Variants in UGT1A9 observed in about 807,000 individuals in gnomAD.
UGT1A9 encodes UDP glucuronosyltransferase family 1 member A9.
UGT1A9 carries 35 observed loss-of-function variants against 45.0 expected under a neutral mutation model. The ratio of observed to expected loss-of-function variants is 0.78; its 90% CI spans 0.59 to 1.03. The LOEUF is 1.03. UGT1A9 is among the 50% of genes least tolerant of loss of function. The pLI, the probability that UGT1A9 is intolerant of heterozygous loss-of-function variation, is 0.00. For missense variants in UGT1A9, 687 were observed against 666.6 expected (o/e 1.03, Z -0.34); for synonymous variants, 278 against 250.6 (o/e 1.11, Z -1.03).
chr2:233,711,237 C>G (rs1027973680), intron 1 of UGT1A9, among the ~76,000 whole-genome samples: 6 of 152,218 alleles, frequency 3.9e-5, no homozygotes, highest in Admixed American at 3.9e-4. Context: ...GAAGGCACCA[C>G]CATCTTCCAA....
intron 1 of UGT1A9, chr2:233,717,994 C>T (rs1405290169): frequency 4.7e-6 from 2 of 423,448 alleles, no homozygotes; most frequent in Non-Finnish European, 4.8e-6. Context: ...TCAGACTGTG[C>T]AAGATCTGAG....
chr2:233,765,082 C>T (rs2741017), intron 1 of UGT1A9, among the ~76,000 whole-genome samples: 1 of 152,198 alleles, frequency 6.6e-6, no homozygotes, highest in South Asian at 2.1e-4. Context: ...TGTCTCACAT[C>T]TAGGGTGACC....
Position 233,769,302 on chromosome 2 carries a change from T to C in UGT1A9, c.1295+863T>C, listed in dbSNP as rs139674601. 9.5e-4 allele frequency among the ~76,000 whole-genome samples: 145 copies of C among 152,348 alleles called. No homozygotes were observed. The highest frequency in any genetic ancestry group is 3.0e-3 in the African/African-American group (125 of 41,572). Reference sequence around the variant, plus strand: ...TGATTTCTGGATTAAAGTTAGTATATTACTGTCAAGCTCACTGGTAATAGG... The same window carrying C: ...TGATTTCTGGATTAAAGTTAGTATACTACTGTCAAGCTCACTGGTAATAGG... On this transcript the variant is annotated intron_variant, in intron 4 of 4. Transcript: ENST00000354728. This position sits in a 1 kb window ranked among gnomAD's most constrained non-coding sequence, Gnocchi z 4.4.
chr2:233,763,802 T>C (rs1286063842), intron 1 of UGT1A9, among the ~76,000 whole-genome samples: 2 of 152,186 alleles, frequency 1.3e-5, no homozygotes, highest in Non-Finnish European at 2.9e-5. Context: ...GGAATGAAAC[T>C]CAAGAATTCC....
intron 1 of UGT1A9, among the ~76,000 whole-genome samples, chr2:233,758,825 C>CA: frequency 6.6e-6 from 1 of 152,232 alleles, no homozygotes. Flanking sequence ...ATATCCCCCC[C>CA]AAAAAGAGTG....
Position 233,672,495 on chromosome 2 carries a change from T to G in UGT1A9, c.561T>G (p.Leu187=), listed in dbSNP as rs776267881. 12 of 1,613,830 alleles carry G rather than the reference T, an allele frequency of 7.4e-6. No homozygotes were observed. The highest frequency in any genetic ancestry group is 9.3e-6 in the Non-Finnish European group (11 of 1,179,850). The part of the protein sequence containing the change: ...LEEGAQCPAP[L]SYVPRILLGF... The stretch of plus-strand genomic sequence containing the variant: ...AAGGTGCACAGTGCCCTGCTCCTCT[T>G]TCCTATGTCCCCAGAATTCTCTTAG... Residue 187 remains leucine (L), a synonymous_variant, in exon 1 of 5, where the codon CTT becomes CTG. Transcript: ENST00000354728.
At chr2:233,689,905 G>T (rs1008501237) in intron 1 of UGT1A9, 14 of 456,562 alleles carry the variant, frequency 3.1e-5, no homozygotes, top group Admixed American at 2.6e-4. Flanking sequence ...TCAGGGCCAG[G>T]TAGGTGCCTG....
intron 1 of UGT1A9, among the ~76,000 whole-genome samples, chr2:233,707,192 G>A (rs539845894): frequency 4.3e-4 from 66 of 152,052 alleles, no homozygotes; most frequent in Admixed American, 7.2e-4. Flanking sequence ...CCTGCCCTCC[G>A]TTCTATTCCC....
chr2:233,675,526 C>A (rs932255711), intron 1 of UGT1A9, among the ~76,000 whole-genome samples: 4 of 152,094 alleles, frequency 2.6e-5, no homozygotes, highest in African/African-American at 9.7e-5. Flanking sequence ...ATCTGTGCTT[C>A]CCCCCTTGCT....
intron 2 of UGT1A9, 46 bp downstream of exon 2, chr2:233,767,211 C>T (rs780479302): frequency 1.9e-5 from 30 of 1,612,468 alleles, no homozygotes; most frequent in South Asian, 1.5e-4. Flanking sequence ...TTCACAGGAG[C>T]GCTAATCCCA....
chr2:233,702,086 A>G (rs1193659168), intron 1 of UGT1A9, among the ~76,000 whole-genome samples: 1 of 152,166 alleles, frequency 6.6e-6, no homozygotes, highest in African/African-American at 2.4e-5. Flanking sequence ...ATAGTCACAG[A>G]TTTGTACAAC....
intron 1 of UGT1A9, among the ~76,000 whole-genome samples, chr2:233,742,577 G>T (rs28900373): frequency 0.034 from 5,125 of 151,816 alleles, 154 homozygotes; most frequent in African/African-American, 0.051. Flanking sequence ...CGGAATTGGG[G>T]GCTTATCCCC....
intron 1 of UGT1A9, among the ~76,000 whole-genome samples, chr2:233,684,769 G>C (rs906347974): frequency 2.0e-5 from 3 of 152,104 alleles, no homozygotes; most frequent in Admixed American, 6.5e-5. Context: ...AGATCATAAA[G>C]AGTGCCCTTT....
intron 1 of UGT1A9, among the ~76,000 whole-genome samples, chr2:233,711,182 A>G (rs1225168983): frequency 1.3e-5 from 2 of 151,724 alleles, no homozygotes; most frequent in East Asian, 3.9e-4. Context: ...AATATGAGCT[A>G]CTCCCTCCCC....
chr2:233,699,401 A>C (rs1224961959), intron 1 of UGT1A9, among the ~76,000 whole-genome samples: 1 of 152,198 alleles, frequency 6.6e-6, no homozygotes, highest in African/African-American at 2.4e-5. Context: ...TTAGAAGAGA[A>C]TTTAGCTTTG....
intron 1 of UGT1A9, among the ~76,000 whole-genome samples, chr2:233,751,411 T>C (rs1183802209): frequency 1.3e-5 from 2 of 152,166 alleles, no homozygotes; most frequent in Admixed American, 6.5e-5. Flanking sequence ...ACTATGGACT[T>C]TTGAGCTAGT....
At position 233,677,991 on chromosome 2, in the gene UGT1A9, A is replaced by G. The variant is rs184648971; in HGVS notation, c.855+5202A>G. 4.1e-3 allele frequency among the ~76,000 whole-genome samples: 623 copies of G among 152,320 alleles called. 2 individuals are homozygous for G. The highest frequency in any genetic ancestry group is 6.8e-3 in the Middle Eastern group (2 of 294). On this transcript the variant is annotated intron_variant, in intron 1 of 4. Transcript: ENST00000354728. ...ACTCCATGGAATATGCAGCCATAAAAAAAGAATGAAATCATGTCCTTTGTA... is the reference window on the plus strand; with the variant it reads ...ACTCCATGGAATATGCAGCCATAAAGAAAGAATGAAATCATGTCCTTTGTA...
At chr2:233,682,865 A>C in intron 1 of UGT1A9, 1 of 1,527,428 alleles carries the variant, frequency 6.5e-7, no homozygotes, top group Non-Finnish European at 8.8e-7. Flanking sequence ...ACAGAATCAT[A>C]ATTTATCATT....
At chr2:233,771,561 C>T (rs1395815945) in intron 4 of UGT1A9, 1 of 152,134 alleles carries the variant, frequency 6.6e-6, no homozygotes, top group Admixed American at 6.6e-5. Context: ...GTTAATTTGG[C>T]CAGAGGTGGT....
Sources: allele counts gnomAD v4.1 joint callset (sites outside exome capture counted in the v4.1 genomes callset), GRCh38; gene constraint gnomAD v4.1.1; non-coding constraint Gnocchi (gnomAD v3.1); transcripts MANE v1.5; gene names NCBI Gene and HGNC (gene_info 2026-07-23, HGNC 2026-07-21).